Variants in LYSMD1 observed in about 807,000 individuals in gnomAD.
LYSMD1 encodes lysM and putative peptidoglycan-binding domain-containing protein 1.
In LYSMD1, 9 loss-of-function variants were observed where a neutral mutation model predicts 19.3. That is an observed-to-expected ratio of 0.47 (90% CI 0.28 to 0.81). The LOEUF is 0.81. Among genes scored for constraint, LYSMD1 ranks in the 40% least tolerant of loss-of-function variants. The pLI is 0.11. For missense variants in LYSMD1, 262 were observed against 279.8 expected, an observed-to-expected ratio of 0.94 and a Z score of 0.45; for synonymous variants, 111 against 111.7, an observed-to-expected ratio of 0.99 and a Z score of 0.04.
At chr1:151,155,612 A>G (rs1357620671), downstream of LYSMD1, among the ~76,000 whole-genome samples, 1 of 152,116 alleles carries the variant, frequency 6.6e-6, no homozygotes, top group East Asian at 1.9e-4. Context: ...GCTACTTGGG[A>G]GGCTGAAGTA....
chr1:151,165,399 A>G lies in LYSMD1; in HGVS notation c.-141T>C. The stretch of plus-strand genomic sequence containing the variant: ...TCCCCTGTGTCCCCGCCTCCCCAGC[A>G]CTACGCCATCTGCCCCCTCCCGGTT... On this transcript the variant is annotated 5_prime_UTR_variant, in exon 1 of 3. Transcript: ENST00000368908. 3 of 1,436,728 alleles carry G rather than the reference A, an allele frequency of 2.1e-6. No homozygotes were observed. Among genetic ancestry groups the G allele is most frequent in the Non-Finnish European group, 2.7e-6 (3 of 1,100,258 alleles). 89.0% of individuals were successfully genotyped at this position (1,436,728 alleles called of 1,614,324 possible). A position where few individuals can be genotyped will look rare whatever the true frequency, so the allele number is the denominator to read the frequency against.
chr1:151,158,110 G>C (rs1273932937), downstream of LYSMD1, among the ~76,000 whole-genome samples: 3 of 152,022 alleles, frequency 2.0e-5, no homozygotes, highest in Non-Finnish European at 2.9e-5. Context: ...AGATCATGAG[G>C]TCAGGAGTTC....
At position 151,165,628 on chromosome 1, in the gene LYSMD1, A is replaced by G; in HGVS notation, c.-370T>C. 6.5e-7 allele frequency: 1 copy of G among 1,539,548 alleles called. No homozygotes were observed. The highest frequency in any genetic ancestry group is 8.7e-7 in the Non-Finnish European group (1 of 1,143,368). ...TAGCCTGGCCTCAGGGCGCTCCAACATCCCAGCTCTCCCCGGTCCCGGGGT... is the reference window on the plus strand; with the variant it reads ...TAGCCTGGCCTCAGGGCGCTCCAACGTCCCAGCTCTCCCCGGTCCCGGGGT... On this transcript the variant is annotated 5_prime_UTR_variant, in exon 1 of 3. The change abolishes an upstream ATG in the 5' untranslated region. Transcript: ENST00000368908.
the LYSMD1 span, among the ~76,000 whole-genome samples, chr1:151,151,826 G>T: frequency 1.3e-5 from 2 of 151,532 alleles, no homozygotes; most frequent in Non-Finnish European, 2.9e-5. Flanking sequence ...CTACTCAGGA[G>T]GCTGAGGCAG....
In LYSMD1 at chr1:151,162,076, G is replaced by T; in HGVS notation, c.205C>A (p.Arg69Ser). 6.2e-7 allele frequency: 1 copy of T among 1,600,928 alleles called. No individual in the cohort carries two copies. Residue 69 changes from arginine (R) to serine (S), a missense_variant, in exon 2 of 3, where the codon CGC becomes AGC. Arg to Ser is a moderately radical substitution (Grantham distance 110). Transcript: ENST00000368908. ...AAGATGGAGTCATTAGTATAAAGGC[G>T]GTTTGCACGTTTAATCTGTTCCATC... ...VTMEQIKRAN[R>S]LYTNDSIFLK...
At chr1:151,161,638 G>C in intron 2 of LYSMD1, 98 bp downstream of exon 2, 5 of 1,475,632 alleles carry the variant, frequency 3.4e-6, no homozygotes, top group Non-Finnish European at 4.6e-6. Context: ...CCTTGCCTCT[G>C]TTGGCACTGT....
chr1:151,148,632 G>A, the LYSMD1 span, among the ~76,000 whole-genome samples: 5 of 152,178 alleles, frequency 3.3e-5, no homozygotes, highest in Admixed American at 2.6e-4. Flanking sequence ...AGACTGCACA[G>A]AAAGATGCTG....
At chr1:151,149,394 T>C in the LYSMD1 span, among the ~76,000 whole-genome samples, 5 of 149,290 alleles carry the variant, frequency 3.3e-5, no homozygotes, top group Non-Finnish European at 5.9e-5. Flanking sequence ...GGGAGACTCT[T>C]AAAAAAATAA....
downstream of LYSMD1, among the ~76,000 whole-genome samples, chr1:151,156,284 A>G (rs992529103): frequency 2.0e-5 from 3 of 152,018 alleles, no homozygotes; most frequent in Admixed American, 6.6e-5. Flanking sequence ...TCACTGGAAT[A>G]ATATATTAAA....
chr1:151,161,764 C>T lies in LYSMD1; in HGVS notation c.517G>A (p.Ala173Thr). 8 of 1,612,096 alleles carry T rather than the reference C, an allele frequency of 5.0e-6. No individual in the cohort carries two copies. The highest frequency in any genetic ancestry group is 6.8e-6 in the Non-Finnish European group (8 of 1,179,496). The change falls in exon 2 of 3, where the codon GCT becomes ACT. Residue 173 changes from alanine (A) to threonine (T), a missense_variant. Transcript: ENST00000368908. ...TTTTCCCCTTTTTTCAGCTTCTGAG[C>T]AGCAGCCTTCTTGGACAGGCTGATC... is the stretch of plus-strand genomic sequence containing the variant. ...SQISLSKKAA[A>T]QKLKKGENGV...
At chr1:151,157,253 C>T (rs1055346511), downstream of LYSMD1, among the ~76,000 whole-genome samples, 1 of 152,178 alleles carries the variant, frequency 6.6e-6, no homozygotes, top group African/African-American at 2.4e-5. Context: ...AAGCAAGGTT[C>T]AGGTTTCCAC....
intron 1 of LYSMD1, 35 bp from the exon 2 acceptor site, chr1:151,162,135 A>G: frequency 6.4e-7 from 1 of 1,570,330 alleles, no homozygotes; most frequent in Non-Finnish European, 8.6e-7. Flanking sequence ...TAAGGACAGT[A>G]ATAATGATCA....
rs1683477326 is a variant in LYSMD1 at position 151,162,045 on chromosome 1, T to G, written c.236A>C (p.Lys79Thr). The G allele has an allele frequency of 1.9e-6, 3 of 1,612,848 alleles. No homozygotes were observed. The highest frequency in any genetic ancestry group is 2.5e-6 in the Non-Finnish European group (3 of 1,179,712). ...RLYTNDSIFL[K>T]KTLYIPILTE... is the part of the protein sequence containing the mutation. ...CAGGATGGGGATGTAGAGGGTTTTC[T>G]TCAGGAAGATGGAGTCATTAGTATA... Residue 79 changes from lysine to threonine, a missense_variant, in exon 2 of 3, where the codon AAG becomes ACG. Transcript: ENST00000368908.
At chr1:151,159,314 G>C, downstream of LYSMD1, 4 of 1,508,958 alleles carry the variant, frequency 2.7e-6, no homozygotes, top group Non-Finnish European at 3.6e-6. Context: ...CACAGATAAT[G>C]GGCTTCCTAA....
Position 151,160,072 on chromosome 1 carries a change from T to C in LYSMD1, c.*810A>G, listed in dbSNP as rs1683380598. 1 of 151,280 alleles carries C rather than the reference T, an allele frequency of 6.6e-6. No homozygotes were observed. Among genetic ancestry groups the C allele is most frequent in the African/African-American group, 2.4e-5 (1 of 41,220 alleles). The allele number at this position is 151,280 out of a possible 1,614,324, so 9.4% of individuals were successfully genotyped here. On this transcript the variant is annotated 3_prime_UTR_variant, in exon 3 of 3. Coordinates refer to ENST00000368908, the MANE Select transcript of LYSMD1 (RefSeq NM_212551.5). ...AAACCCCAAGGAAAGCCTTCTTCCA[T>C]CTGTTCCCCTCACCACAGGCTGAGC...
At position 151,165,527 on chromosome 1, in the gene LYSMD1, C is replaced by A; in HGVS notation, c.-269G>T. ...CCTCCGACTTTGGACTCCCCCACAA[C>A]TCCTCGCTACATTGACCTCTGACCT... On this transcript the variant is annotated 5_prime_UTR_variant, in exon 1 of 3. Transcript: ENST00000368908. 6.9e-7 allele frequency: 1 copy of A among 1,447,738 alleles called. No homozygotes were observed. Among genetic ancestry groups the A allele is most frequent in the Middle Eastern group, 2.5e-4 (1 of 3,996 alleles). 89.7% of individuals were successfully genotyped at this position (1,447,738 alleles called of 1,614,324 possible).
At chr1:151,159,271 A>G (rs981997335), downstream of LYSMD1, 24 of 1,591,530 alleles carry the variant, frequency 1.5e-5, no homozygotes, top group Non-Finnish European at 2.0e-5. Flanking sequence ...AGCCTAGCAC[A>G]TTCCACCTTG....
At chr1:151,152,189 A>G in the LYSMD1 span, among the ~76,000 whole-genome samples, 1 of 152,032 alleles carries the variant, frequency 6.6e-6, no homozygotes, top group Non-Finnish European at 1.5e-5. Flanking sequence ...TGAGGTCAGG[A>G]GATCGAGACC....
intron 1 of LYSMD1, among the ~76,000 whole-genome samples, chr1:151,164,211 C>G (rs979546006): frequency 1.3e-5 from 2 of 152,108 alleles, no homozygotes; most frequent in East Asian, 1.9e-4. Flanking sequence ...GTTGTTAATA[C>G]CTTTACAAAC....
Sources: allele counts gnomAD v4.1 joint callset (sites outside exome capture counted in the v4.1 genomes callset), GRCh38; gene constraint gnomAD v4.1.1; transcripts MANE v1.5; gene names NCBI Gene and HGNC (gene_info 2026-07-23, HGNC 2026-07-21).